SPAG16: variants seen among roughly 807,000 people sequenced by gnomAD.
SPAG16 encodes sperm-associated antigen 16 protein.
In SPAG16, 86 loss-of-function variants were observed where a neutral mutation model predicts 80.4. The observed-to-expected ratio is 1.07, with a 90% CI of 0.90 to 1.28. The LOEUF is 1.28. Ranked by LOEUF, SPAG16 falls within the 50% of genes most tolerant of loss-of-function variation. The pLI, the probability that SPAG16 is intolerant of heterozygous loss-of-function variation, is 0.00. For missense variants in SPAG16, 870 were observed against 765.3 expected (o/e 1.14, Z -1.61); for synonymous variants, 294 against 265.9 (o/e 1.11, Z -1.03).
Position 214,090,271 on chromosome 2 carries a change from C to T in SPAG16, c.1528-17925C>T, listed in dbSNP as rs375770649. Among the ~76,000 whole-genome samples, 38 of 151,898 alleles carry T rather than the reference C, an allele frequency of 2.5e-4. No homozygotes were observed. The East Asian group carries it at 7.4e-3, about 29-fold the overall frequency. On this transcript the variant is annotated intron_variant, in intron 13 of 15. Coordinates refer to ENST00000331683, the MANE Select transcript of SPAG16 (RefSeq NM_024532.5). ...ATAATAAGAACAAGTATAAGAAAGA[C>T]TTTTAAAATAAAATAATTATCTACA...
intron 10 of SPAG16, among the ~76,000 whole-genome samples, chr2:213,853,636 A>G (rs913591997): frequency 1.3e-5 from 2 of 152,180 alleles, no homozygotes; most frequent in Non-Finnish European, 2.9e-5. Flanking sequence ...TTATAAGCTT[A>G]TTAACTTAGG....
At chr2:213,540,296 C>G (rs901121847) in intron 10 of SPAG16, among the ~76,000 whole-genome samples, 1 of 152,062 alleles carries the variant, frequency 6.6e-6, no homozygotes, top group Non-Finnish European at 1.5e-5. Flanking sequence ...GTGATCCACA[C>G]GCCTTGGCCT....
chr2:213,462,452 T>A (rs1334030778), intron 9 of SPAG16, among the ~76,000 whole-genome samples: 1 of 151,850 alleles, frequency 6.6e-6, no homozygotes, highest in Non-Finnish European at 1.5e-5. Flanking sequence ...GGAGATCACA[T>A]GTTAGTTGGG....
chr2:214,155,312 C>A (rs1410461785), intron 15 of SPAG16, among the ~76,000 whole-genome samples: 1 of 152,174 alleles, frequency 6.6e-6, no homozygotes, highest in East Asian at 1.9e-4. Flanking sequence ...AATGGGAAAA[C>A]CTTACAATTC....
chr2:214,347,884 A>G (rs961086652), intron 15 of SPAG16, among the ~76,000 whole-genome samples: 3 of 152,308 alleles, frequency 2.0e-5, no homozygotes, highest in Admixed American at 6.5e-5. Flanking sequence ...GCTACTCTCC[A>G]TGGAAAAATT....
intron 9 of SPAG16, among the ~76,000 whole-genome samples, chr2:213,381,344 G>C (rs2067163375): frequency 6.6e-6 from 1 of 152,158 alleles, no homozygotes; most frequent in Non-Finnish European, 1.5e-5. Context: ...ATTTTGTCCA[G>C]TGAAAATAAA....
chr2:214,172,787 A>G (rs376254886), intron 15 of SPAG16, among the ~76,000 whole-genome samples: 8 of 151,732 alleles, frequency 5.3e-5, no homozygotes, highest in South Asian at 4.2e-4. Context: ...TTTAATGATC[A>G]CCATTCTAAC....
intron 8 of SPAG16, among the ~76,000 whole-genome samples, chr2:213,367,421 C>A (rs1263572193): frequency 1.3e-5 from 2 of 152,232 alleles, no homozygotes; most frequent in African/African-American, 4.8e-5. Context: ...TAAAAGTGTT[C>A]CTATTTCTCC....
chr2:214,002,526 AAGAG>A (rs142931090), intron 12 of SPAG16, among the ~76,000 whole-genome samples: 30 of 151,688 alleles, frequency 2.0e-4, no homozygotes, highest in South Asian at 1.2e-3. Context: ...CAATAGGAGA[AAGAG>A]AGAGAGAGAG....
At chr2:214,174,749 C>T (rs2057010005) in intron 15 of SPAG16, among the ~76,000 whole-genome samples, 1 of 151,660 alleles carries the variant, frequency 6.6e-6, no homozygotes, top group Non-Finnish European at 1.5e-5. Flanking sequence ...CAGTATTTAG[C>T]TTCAAAGGTC....
intron 15 of SPAG16, among the ~76,000 whole-genome samples, chr2:214,221,282 T>C (rs901923350): frequency 6.6e-6 from 1 of 152,098 alleles, no homozygotes; most frequent in Non-Finnish European, 1.5e-5. Flanking sequence ...TAAATGTAGT[T>C]TTTTTTGAAT....
At chr2:214,276,943 T>G (rs1349752098) in intron 15 of SPAG16, among the ~76,000 whole-genome samples, 2 of 151,772 alleles carry the variant, frequency 1.3e-5, no homozygotes. Flanking sequence ...AAACATAGAT[T>G]TGTTTTTTTT....
At chr2:213,813,518 A>G (rs968590120) in intron 10 of SPAG16, among the ~76,000 whole-genome samples, 3 of 152,140 alleles carry the variant, frequency 2.0e-5, no homozygotes, top group Non-Finnish European at 4.4e-5. Flanking sequence ...TCATTGAAGC[A>G]AAAGCTATCT....
intron 6 of SPAG16, among the ~76,000 whole-genome samples, chr2:213,346,849 T>C (rs1240229496): frequency 6.7e-6 from 1 of 149,202 alleles, no homozygotes; most frequent in East Asian, 1.9e-4. Context: ...CTCTTTTTTT[T>C]TTTGTTGTGT....
At chr2:213,985,986 G>A (rs2045980695) in intron 12 of SPAG16, among the ~76,000 whole-genome samples, 1 of 152,022 alleles carries the variant, frequency 6.6e-6, no homozygotes, top group Non-Finnish European at 1.5e-5. Context: ...GAAGGAATGA[G>A]AAAAAGGAGT....
chr2:213,729,209 A>G (rs142907495), intron 10 of SPAG16, among the ~76,000 whole-genome samples: 43 of 152,328 alleles, frequency 2.8e-4, no homozygotes, highest in African/African-American at 1.0e-3. Context: ...ACAATATCAC[A>G]TAGCTAATAT....
intron 3 of SPAG16, among the ~76,000 whole-genome samples, chr2:213,297,803 G>A (rs1036080301): frequency 6.6e-6 from 1 of 151,958 alleles, no homozygotes; most frequent in Non-Finnish European, 1.5e-5. Flanking sequence ...ATGTGGTGGG[G>A]GATGTTTTTT....
At chr2:213,379,756 G>A (rs1265544628) in intron 9 of SPAG16, among the ~76,000 whole-genome samples, 1 of 152,160 alleles carries the variant, frequency 6.6e-6, no homozygotes, top group African/African-American at 2.4e-5. Context: ...CTCTGCTGCT[G>A]GCAAATTGGG....
At chr2:213,666,320 TAATAC>T (rs1301100654) in intron 10 of SPAG16, among the ~76,000 whole-genome samples, 1 of 152,172 alleles carries the variant, frequency 6.6e-6, no homozygotes, top group African/African-American at 2.4e-5. Flanking sequence ...AATTTAGAAT[TAATAC>T]AATACTATCA....
Sources: allele counts gnomAD v4.1 joint callset (sites outside exome capture counted in the v4.1 genomes callset), GRCh38; gene constraint gnomAD v4.1.1; transcripts MANE v1.5; gene names NCBI Gene and HGNC (gene_info 2026-07-23, HGNC 2026-07-21).